The following ENPP6 variants were observed in gnomAD, a reference collection of about 807,000 sequenced individuals.
ENPP6 encodes the protein glycerophosphocholine cholinephosphodiesterase ENPP6.
Under a neutral mutation model 42.0 loss-of-function variants are expected in ENPP6, and 32 were observed. The ratio of observed to expected loss-of-function variants is 0.76; its 90% CI spans 0.58 to 1.02. The LOEUF is 1.02. ENPP6 is among the 50% of genes least tolerant of loss of function. ENPP6 has a pLI of 0.00. For missense variants in ENPP6, 552 were observed against 566.8 expected, an observed-to-expected ratio of 0.97 and a Z score of 0.27; for synonymous variants, 213 against 216.0, an observed-to-expected ratio of 0.99 and a Z score of 0.12.
intron 2 of ENPP6, among the ~76,000 whole-genome samples, chr4:184,135,538 T>TA (rs1736717978): frequency 6.6e-6 from 1 of 152,244 alleles, no homozygotes. Flanking sequence ...ATGTGTCTTT[T>TA]AAAAATGCTA....
intron 6 of ENPP6, among the ~76,000 whole-genome samples, chr4:184,111,896 G>A (rs1398806480): frequency 6.6e-6 from 1 of 152,176 alleles, no homozygotes; most frequent in Non-Finnish European, 1.5e-5. Flanking sequence ...CACTTGGTTG[G>A]CCTCAACCAG....
chr4:184,211,063 G>A (rs1198043189), intron 1 of ENPP6, among the ~76,000 whole-genome samples: 1 of 150,526 alleles, frequency 6.6e-6, no homozygotes, highest in Non-Finnish European at 1.5e-5. Context: ...CAACATACCA[G>A]AATCTCTGGG....
chr4:184,168,922 C>G (rs569662819), intron 1 of ENPP6, among the ~76,000 whole-genome samples: 1 of 152,282 alleles, frequency 6.6e-6, no homozygotes, highest in South Asian at 2.1e-4. Flanking sequence ...CATTCCCCCA[C>G]CCCACCCTCC....
At position 184,096,830 on chromosome 4, in the gene ENPP6, G is replaced by C. The variant is rs549290529; in HGVS notation, c.1117+415C>G. ...CCTCTCTGAGGTGGGTGCTCGAGACGGGAAGGACCGTGGAAGAGCCAGACC... is the reference window on the plus strand; with the variant it reads ...CCTCTCTGAGGTGGGTGCTCGAGACCGGAAGGACCGTGGAAGAGCCAGACC... On this transcript the variant is annotated intron_variant, in intron 7 of 7. Transcript: ENST00000296741. Among the ~76,000 whole-genome samples the C allele has an allele frequency of 2.6e-5, 4 of 152,166 alleles. No homozygotes were observed. The East Asian group carries it at 7.7e-4, about 29-fold the overall frequency.
Position 184,217,565 on chromosome 4 carries a change from G to C in ENPP6, c.241+14C>G, listed in dbSNP as rs1481565892. 1 of 1,614,016 alleles carries C rather than the reference G, an allele frequency of 6.2e-7. No homozygotes were observed. Among genetic ancestry groups the C allele is most frequent in the South Asian group, 1.1e-5 (1 of 91,058 alleles). On this transcript the variant is annotated intron_variant, in intron 1 of 7. Coordinates refer to ENST00000296741, the MANE Select transcript of ENPP6 (RefSeq NM_153343.4). ...GCCCTCCCCTCCCTGCCCAGAAGAG[G>C]ACATGGTACTCACCAGTCATTAGGG...
At chr4:184,147,901 G>A (rs1218673948) in intron 2 of ENPP6, among the ~76,000 whole-genome samples, 2 of 151,738 alleles carry the variant, frequency 1.3e-5, no homozygotes, top group Admixed American at 6.6e-5. Flanking sequence ...TTCTTTCAGT[G>A]TCTTGAAACT....
intron 1 of ENPP6, among the ~76,000 whole-genome samples, chr4:184,175,183 G>A (rs963335128): frequency 6.6e-6 from 1 of 152,014 alleles, no homozygotes; most frequent in African/African-American, 2.4e-5. Context: ...TCCGCCGCCC[G>A]GAACTCTCGG....
intron 1 of ENPP6, among the ~76,000 whole-genome samples, chr4:184,196,712 G>A (rs777344153): frequency 6.6e-6 from 1 of 152,184 alleles, no homozygotes; most frequent in African/African-American, 2.4e-5. Flanking sequence ...CTTACAGAAA[G>A]AATAGATGGT....
chr4:184,113,905 T>TTCTTTCTTTCTTTC lies in ENPP6; in HGVS notation c.856-1110_856-1097dup, dbSNP rs1553995020. ...TTTTTCCTTCCTTTCTTTCTTTTCT[T>TTCTTTCTTTCTTTC]TCTTTCTTTCTTTCTTTCTTTCTTT... is the stretch of plus-strand genomic sequence containing the variant. On this transcript the variant is annotated intron_variant, in intron 5 of 7. Transcript: ENST00000296741. 1.2e-3 allele frequency among the ~76,000 whole-genome samples: 117 copies of TTCTTTCTTTCTTTC among 101,578 alleles called. 3 individuals are homozygous for TTCTTTCTTTCTTTC. The highest frequency in any genetic ancestry group is 0.01 in the Admixed American group (101 of 9,648). 66.6% of individuals were successfully genotyped at this position (101,578 alleles called of 152,430 possible). A position where few individuals can be genotyped will look rare whatever the true frequency, so the allele number is the denominator to read the frequency against.
At chr4:184,094,625 CCAAGTTATCCT>C (rs1735865717) in intron 7 of ENPP6, among the ~76,000 whole-genome samples, 1 of 152,250 alleles carries the variant, frequency 6.6e-6, no homozygotes, top group Non-Finnish European at 1.5e-5. Flanking sequence ...GACAGAGAGT[CCAAGTTATCCT>C]CGCGTGTTTA....
chr4:184,119,569 C>A (rs908529312), intron 3 of ENPP6, among the ~76,000 whole-genome samples: 1 of 152,134 alleles, frequency 6.6e-6, no homozygotes, highest in African/African-American at 2.4e-5. Flanking sequence ...AACCTCGAGG[C>A]CTCAGATAAA....
At chr4:184,123,305 C>T (rs1736449232) in intron 3 of ENPP6, among the ~76,000 whole-genome samples, 1 of 152,114 alleles carries the variant, frequency 6.6e-6, no homozygotes, top group Admixed American at 6.5e-5. Context: ...TACACTGTGC[C>T]TGGGTATGTT....
intron 1 of ENPP6, among the ~76,000 whole-genome samples, chr4:184,177,618 G>A (rs183584071): frequency 5.3e-5 from 8 of 151,646 alleles, no homozygotes; most frequent in African/African-American, 9.7e-5. Flanking sequence ...TCCCACTGGC[G>A]TCAGGTCAGT....
chr4:184,153,519 G>T lies in ENPP6; in HGVS notation c.421+35C>A, dbSNP rs1002354761. 3.2e-6 allele frequency: 5 copies of T among 1,585,658 alleles called. No homozygotes were observed. The African/African-American group carries it at 5.4e-5, about 17-fold the overall frequency. On this transcript the variant is annotated intron_variant, in intron 2 of 7. Coordinates refer to ENST00000296741, the MANE Select transcript of ENPP6 (RefSeq NM_153343.4). ...CGACTGTCCTCAGAGACTCTATGAT[G>T]ATTTGAGATTTGGAATGGATGTTCA...
intron 5 of ENPP6, among the ~76,000 whole-genome samples, chr4:184,115,243 C>T (rs1736293213): frequency 6.6e-6 from 1 of 152,160 alleles, no homozygotes; most frequent in African/African-American, 2.4e-5. Flanking sequence ...GGTTGGCAAC[C>T]TCCAGGGGCA....
At chr4:184,173,534 C>T (rs1737510828) in intron 1 of ENPP6, among the ~76,000 whole-genome samples, 1 of 152,180 alleles carries the variant, frequency 6.6e-6, no homozygotes. Flanking sequence ...CTACTTGTAG[C>T]TGGTGCCCAG....
At chr4:184,098,974 T>G (rs943706300) in intron 6 of ENPP6, among the ~76,000 whole-genome samples, 18 of 152,064 alleles carry the variant, frequency 1.2e-4, no homozygotes, top group African/African-American at 4.3e-4. Flanking sequence ...ACTAGTATCA[T>G]GTGTTTAGTG....
At chr4:184,127,795 A>G (rs957317869) in intron 2 of ENPP6, among the ~76,000 whole-genome samples, 7 of 152,222 alleles carry the variant, frequency 4.6e-5, no homozygotes, top group African/African-American at 1.4e-4. Flanking sequence ...CTAAGTGATA[A>G]CTATTAAGGT....
intron 6 of ENPP6, among the ~76,000 whole-genome samples, chr4:184,100,331 C>T (rs1313618226): frequency 1.3e-5 from 2 of 152,332 alleles, no homozygotes; most frequent in South Asian, 2.1e-4. Context: ...CAAGGGCATA[C>T]AGCTGAGGCC....
Sources: allele counts gnomAD v4.1 joint callset (sites outside exome capture counted in the v4.1 genomes callset), GRCh38; gene constraint gnomAD v4.1.1; transcripts MANE v1.5; gene names NCBI Gene and HGNC (gene_info 2026-07-23, HGNC 2026-07-21).